Variants in SKP2 observed in about 807,000 individuals in gnomAD.
The protein encoded by SKP2 is S-phase kinase-associated protein 2.
Under a neutral mutation model 51.8 loss-of-function variants are expected in SKP2, and 16 were observed. The ratio of observed to expected loss-of-function variants is 0.31; its 90% CI spans 0.21 to 0.47. SKP2 has a LOEUF of 0.47. Among genes scored for constraint, SKP2 ranks in the 20% least tolerant of loss-of-function variants. SKP2 has a pLI of 1.00. For missense variants in SKP2, 377 were observed against 505.3 expected, an observed-to-expected ratio of 0.75 and a Z score of 2.43; for synonymous variants, 176 against 198.6, an observed-to-expected ratio of 0.89 and a Z score of 0.96.
At chr5:36,185,710 T>G (rs144921419), downstream of SKP2, among the ~76,000 whole-genome samples, 1,844 of 152,306 alleles carry the variant, frequency 0.012, 23 homozygotes, top group South Asian at 0.044. Context: ...TTGTTCTTTT[T>G]GCTTAGGATT....
intron 6 of SKP2, among the ~76,000 whole-genome samples, chr5:36,191,131 C>A (rs1357818315): frequency 6.6e-6 from 1 of 152,164 alleles, no homozygotes; most frequent in Non-Finnish European, 1.5e-5. Context: ...ATAGGTTAAT[C>A]TTTCCCCTAT....
At chr5:36,193,404 A>AGAT (rs1042864332) in intron 7 of SKP2, 1 of 146,914 alleles carries the variant, frequency 6.8e-6, no homozygotes, top group African/African-American at 2.5e-5. Context: ...TGAACCTGGG[A>AGAT]GATGGAGGTT....
chr5:36,169,518 A>G (rs1464658875), intron 5 of SKP2, among the ~76,000 whole-genome samples: 1 of 152,198 alleles, frequency 6.6e-6, no homozygotes, highest in Non-Finnish European at 1.5e-5. Flanking sequence ...TCAAGAGTTG[A>G]AATTTAGGAA....
intron 2 of SKP2, 75 bp from the exon 3 acceptor site, chr5:36,163,568 TTA>T (rs535491053): frequency 2.1e-4 from 172 of 836,738 alleles, no homozygotes; most frequent in South Asian, 5.1e-4. Context: ...TGTATATTCT[TTA>T]TGTGTTTGAA....
At chr5:36,171,221 A>T (rs1745461476) in intron 6 of SKP2, among the ~76,000 whole-genome samples, 1 of 152,196 alleles carries the variant, frequency 6.6e-6, no homozygotes, top group Admixed American at 6.5e-5. Context: ...TTTATTAGGA[A>T]TCCTCAGTGC....
intron 2 of SKP2, among the ~76,000 whole-genome samples, chr5:36,161,118 C>A (rs183228472): frequency 1.3e-5 from 2 of 151,858 alleles, no homozygotes; most frequent in African/African-American, 4.8e-5. Context: ...ATTGAAGTTT[C>A]CTGTTTGTCT....
chr5:36,158,720 A>G (rs1745029589), intron 2 of SKP2, among the ~76,000 whole-genome samples: 1 of 152,220 alleles, frequency 6.6e-6, no homozygotes, highest in Non-Finnish European at 1.5e-5. Context: ...AGAACCCACT[A>G]GGATGGAAAG....
chr5:36,156,998 A>G (rs1458102902), intron 2 of SKP2, among the ~76,000 whole-genome samples: 6 of 152,146 alleles, frequency 3.9e-5, no homozygotes, highest in Admixed American at 3.9e-4. Flanking sequence ...GCAGTTTTAC[A>G]AAACTGTATT....
chr5:36,169,369 C>T (rs1271843133), intron 5 of SKP2, among the ~76,000 whole-genome samples: 2 of 151,698 alleles, frequency 1.3e-5, no homozygotes, highest in Admixed American at 6.6e-5. Context: ...CGCTTGAACC[C>T]GGGAGGCGGA....
At chr5:36,159,705 A>T (rs1745065487) in intron 2 of SKP2, among the ~76,000 whole-genome samples, 1 of 152,192 alleles carries the variant, frequency 6.6e-6, no homozygotes, top group Non-Finnish European at 1.5e-5. Context: ...CATAGGGATA[A>T]CCTGCCTATT....
At chr5:36,174,370 A>G (rs1308117340) in intron 7 of SKP2, among the ~76,000 whole-genome samples, 1 of 152,156 alleles carries the variant, frequency 6.6e-6, no homozygotes, top group African/African-American at 2.4e-5. Flanking sequence ...TGTGGGCCAG[A>G]GGAAACTAAC....
intron 2 of SKP2, among the ~76,000 whole-genome samples, chr5:36,154,552 C>G (rs1244295900): frequency 6.6e-6 from 1 of 152,118 alleles, no homozygotes; most frequent in Non-Finnish European, 1.5e-5. Flanking sequence ...TTCATATTTT[C>G]AAGACGGAGT....
At chr5:36,156,257 G>T (rs560033135) in intron 2 of SKP2, among the ~76,000 whole-genome samples, 2 of 152,190 alleles carry the variant, frequency 1.3e-5, no homozygotes, top group African/African-American at 2.4e-5. Flanking sequence ...GCCTTTGGAA[G>T]CCTGGGCCTC....
chr5:36,166,907 A>G (rs1420378246), intron 4 of SKP2, among the ~76,000 whole-genome samples: 1 of 152,054 alleles, frequency 6.6e-6, no homozygotes, highest in South Asian at 2.1e-4. Context: ...AAAGAGGCAC[A>G]TTTGTCTTCT....
chr5:36,157,570 G>C (rs1355611123), intron 2 of SKP2, among the ~76,000 whole-genome samples: 1 of 152,148 alleles, frequency 6.6e-6, no homozygotes. Context: ...GGCACAATCT[G>C]TTTGTAGTTC....
intron 2 of SKP2, among the ~76,000 whole-genome samples, chr5:36,159,835 G>C (rs1332675248): frequency 6.6e-6 from 1 of 152,096 alleles, no homozygotes; most frequent in Non-Finnish European, 1.5e-5. Context: ...TCTGCTTCTG[G>C]GGGACCCAAA....
intron 7 of SKP2, among the ~76,000 whole-genome samples, chr5:36,174,590 T>C (rs574614709): frequency 6.6e-6 from 1 of 152,122 alleles, no homozygotes; most frequent in Non-Finnish European, 1.5e-5. Flanking sequence ...AGAAAGTCAC[T>C]CTTATGAAGA....
intron 2 of SKP2, among the ~76,000 whole-genome samples, chr5:36,162,680 A>G (rs944703745): frequency 7.2e-5 from 11 of 152,214 alleles, no homozygotes; most frequent in East Asian, 1.9e-4. Context: ...AGAAATGACA[A>G]TACCCTTTTG....
chr5:36,159,866 G>A (rs886674450), intron 2 of SKP2, among the ~76,000 whole-genome samples: 9 of 152,176 alleles, frequency 5.9e-5, no homozygotes, highest in Non-Finnish European at 1.3e-4. Context: ...GGGCAGATAC[G>A]GGGTTTTGGT....
Sources: allele counts gnomAD v4.1 joint callset (sites outside exome capture counted in the v4.1 genomes callset), GRCh38; gene constraint gnomAD v4.1.1; transcripts MANE v1.5; gene names NCBI Gene and HGNC (gene_info 2026-07-23, HGNC 2026-07-21).